Variants in HEPH observed in about 807,000 individuals in gnomAD.
HEPH encodes the protein hephaestin.
A neutral mutation model predicts 80.8 loss-of-function variants in HEPH; 69 were observed. That is an observed-to-expected ratio of 0.85 (90% CI 0.70 to 1.04). HEPH has a LOEUF of 1.04. Ranked by LOEUF, HEPH falls within the 50% of genes least tolerant of loss-of-function variation. The pLI, the probability that HEPH is intolerant of heterozygous loss-of-function variation, is 0.00. For missense variants in HEPH, 1,115 were observed against 891.3 expected, an observed-to-expected ratio of 1.25 and a Z score of -3.20; for synonymous variants, 431 against 322.8, an observed-to-expected ratio of 1.34 and a Z score of -3.60.
intron 4 of HEPH, among the ~76,000 whole-genome samples, chrX:66,175,738 T>G (rs1312326578): frequency 2.3e-5 from 2 of 87,785 alleles, no homozygotes; most frequent in Non-Finnish European, 4.1e-5. Context: ...CAGTTAGGTA[T>G]ATTCCTAAGT....
intron 15 of HEPH, among the ~76,000 whole-genome samples, chrX:66,248,698 A>G (rs1278549011): frequency 8.9e-6 from 1 of 112,317 alleles, no homozygotes; most frequent in Non-Finnish European, 1.9e-5. Context: ...ACTTCAAACT[A>G]CAAAAGCTAT....
Position 66,192,208 on chromosome X carries a change from A to C in HEPH, c.1142A>C (p.Gln381Pro), listed in dbSNP as rs1282982252. Reference sequence around the variant, plus strand: ...GACCTGCTCACAGGCAAAGTTCGACAGTACTTCATTGAGGCCCATGAGATT... The same window carrying C: ...GACCTGCTCACAGGCAAAGTTCGACCGTACTTCATTGAGGCCCATGAGATT... ...PVDLLTGKVR[Q>P]YFIEAHEIQW... Residue 381 changes from glutamine to proline, a missense_variant, in exon 7 of 21, where the codon CAG becomes CCG. Gln to Pro is a moderately conservative substitution (Grantham distance 76). This residue lies in a region of HEPH where 391 missense variants were observed against 343.6 expected (regional missense o/e 1.14). Coordinates refer to ENST00000343002, the MANE Select transcript of HEPH (RefSeq NM_001367233.3). The C allele has an allele frequency of 8.3e-7, 1 of 1,211,013 alleles. No individual in the cohort carries two copies. Among genetic ancestry groups the C allele is most frequent in the Non-Finnish European group, 1.1e-6 (1 of 894,958 alleles).
At chrX:66,200,990 C>A (rs1017001972) in intron 12 of HEPH, among the ~76,000 whole-genome samples, 1 of 111,698 alleles carries the variant, frequency 9.0e-6, no homozygotes, top group African/African-American at 3.3e-5. Flanking sequence ...TTTTCTGGAA[C>A]AACAGAAGGG....
intron 4 of HEPH, among the ~76,000 whole-genome samples, chrX:66,186,760 A>T (rs2087474712): frequency 8.9e-6 from 1 of 111,843 alleles, no homozygotes; most frequent in South Asian, 3.7e-4. Flanking sequence ...TTGTATTTGG[A>T]TGTCTAGGCC....
At chrX:66,169,766 G>A (rs1356437096) in intron 1 of HEPH, 1 of 111,941 alleles carries the variant, frequency 8.9e-6, no homozygotes, top group Non-Finnish European at 1.9e-5. Context: ...ACAAAACAGA[G>A]CATTACTTAG....
At chrX:66,197,312 G>A (rs185224270) in intron 9 of HEPH, among the ~76,000 whole-genome samples, 80 of 110,841 alleles carry the variant, frequency 7.2e-4, no homozygotes, top group Middle Eastern at 4.6e-3. Context: ...GGCAGGTAGT[G>A]AGTCCCCCAT....
chrX:66,225,071 G>A (rs1364248074), intron 15 of HEPH, among the ~76,000 whole-genome samples: 4 of 110,719 alleles, frequency 3.6e-5, no homozygotes, highest in Admixed American at 2.9e-4. Flanking sequence ...ACTGGTCTGG[G>A]TACCTTGGCT....
chrX:66,178,883 C>T (rs2086952321), intron 4 of HEPH, among the ~76,000 whole-genome samples: 1 of 111,362 alleles, frequency 9.0e-6, no homozygotes, highest in East Asian at 2.8e-4. Context: ...AATTTTTTCC[C>T]ATTCTGTAGG....
At position 66,260,089 on chromosome X, in the gene HEPH, C is replaced by G. The variant is rs748906976; in HGVS notation, c.3037-11C>G. The stretch of plus-strand genomic sequence containing the variant: ...TCACTTCCTCTCCCTCATTCCCAAT[C>G]TCTCTTGCAGAATGGCGAGAACTAC... On this transcript the variant is annotated splice_polypyrimidine_tract_variant and intron_variant, in intron 18 of 20. Coordinates refer to ENST00000343002, the MANE Select transcript of HEPH (RefSeq NM_001367233.3). 3.3e-6 allele frequency: 4 copies of G among 1,203,734 alleles called. No homozygotes were observed. In the Admixed American group the frequency reaches 8.7e-5, roughly 26 times the overall value.
chrX:66,241,497 T>A lies in HEPH; in HGVS notation c.2564-13538T>A, dbSNP rs772516804. On this transcript the variant is annotated intron_variant, in intron 15 of 20. Coordinates refer to ENST00000343002, the MANE Select transcript of HEPH (RefSeq NM_001367233.3). ...AAAACAGACTTTAAACCAACAACAA[T>A]CAAAAAGGCCAAACAGGGGTACTAT... Among the ~76,000 whole-genome samples, 5 of 110,882 alleles carry A rather than the reference T, an allele frequency of 4.5e-5. No individual in the cohort carries two copies. The East Asian group carries it at 1.4e-3, about 31-fold the overall frequency.
At position 66,192,228 on chromosome X, in the gene HEPH, G is replaced by A; in HGVS notation, c.1162G>A (p.Glu388Lys). Residue 388 changes from glutamate (E) to lysine (K), a missense_variant, in exon 7 of 21, where the codon GAG (glutamate) becomes AAG (lysine). Coordinates refer to ENST00000343002, the MANE Select transcript of HEPH (RefSeq NM_001367233.3). ...TCGACAGTACTTCATTGAGGCCCAT[G>A]AGATTCAATGGGACTATGGCCCGAT... ...KVRQYFIEAH[E>K]IQWDYGPMGH... 8.3e-7 allele frequency: 1 copy of A among 1,210,817 alleles called. No homozygotes were observed.
chrX:66,238,708 C>A (rs1326633024), intron 15 of HEPH, among the ~76,000 whole-genome samples: 1 of 111,582 alleles, frequency 9.0e-6, no homozygotes, highest in Non-Finnish European at 1.9e-5. Context: ...CTTGGAGAAA[C>A]TGATGACACA....
chrX:66,186,875 G>A (rs1194302139), intron 4 of HEPH, among the ~76,000 whole-genome samples: 1 of 110,984 alleles, frequency 9.0e-6, no homozygotes, highest in Admixed American at 9.5e-5. Context: ...CTTTAGGTTT[G>A]GTCATTTAAC....
upstream of HEPH, among the ~76,000 whole-genome samples, chrX:66,163,527 G>A (rs929657591): frequency 2.7e-5 from 3 of 111,091 alleles, no homozygotes; most frequent in Non-Finnish European, 5.7e-5. Context: ...TGCTAGAAAT[G>A]ACGGAGGCAA....
chrX:66,254,995 C>T (rs368205013), intron 15 of HEPH, 40 bp from the exon 16 acceptor site: 40 of 1,003,878 alleles, frequency 4.0e-5, no homozygotes, highest in Non-Finnish European at 4.7e-5. Context: ...AGAGAAATTT[C>T]TGACCCGGTG....
intron 15 of HEPH, among the ~76,000 whole-genome samples, chrX:66,210,997 A>G (rs1434425685): frequency 9.0e-6 from 1 of 111,582 alleles, no homozygotes; most frequent in Non-Finnish European, 1.9e-5. Flanking sequence ...AGAGAGCTGT[A>G]CGGATAGAAG....
In HEPH at chrX:66,173,641, T is replaced by A. The variant is rs1424114776; in HGVS notation, c.465T>A (p.Val155=). Residue 155 remains valine, a synonymous_variant, in exon 4 of 21, where the codon GTT becomes GTA. Coordinates refer to ENST00000343002, the MANE Select transcript of HEPH (RefSeq NM_001367233.3). ...SSGPLKADDS[V]PPGGSHIYNW... Reference sequence around the variant, plus strand: ...GGCCACTGAAAGCTGATGACTCTGTTCCCCCGGGGGGCAGCCATATCTACA... The same window carrying A: ...GGCCACTGAAAGCTGATGACTCTGTACCCCCGGGGGGCAGCCATATCTACA... 8.3e-7 allele frequency: 1 copy of A among 1,210,231 alleles called. No homozygotes were observed. The highest frequency in any genetic ancestry group is 1.1e-6 in the Non-Finnish European group (1 of 894,828).
upstream of HEPH, chrX:66,162,906 C>A: frequency 1.8e-6 from 2 of 1,133,863 alleles, no homozygotes; most frequent in Non-Finnish European, 2.3e-6. Context: ...GAACCCCCAT[C>A]ATACCTGTCC....
At chrX:66,189,564 A>T in intron 5 of HEPH, 120 bp from the exon 6 acceptor site, 1 of 765,121 alleles carries the variant, frequency 1.3e-6, no homozygotes, top group Admixed American at 2.9e-5. Flanking sequence ...TACATAGGTC[A>T]ACACAGTGTG....
Sources: allele counts gnomAD v4.1 joint callset (sites outside exome capture counted in the v4.1 genomes callset), GRCh38; gene constraint gnomAD v4.1.1; regional missense constraint gnomAD v4.1.1; transcripts MANE v1.5; gene names NCBI Gene and HGNC (gene_info 2026-07-23, HGNC 2026-07-21).